Variants in DENND4C observed in about 807,000 individuals in gnomAD.
DENND4C encodes DENN domain containing 4C.
DENND4C carries 108 observed loss-of-function variants against 203.0 expected under a neutral mutation model. The observed-to-expected ratio is 0.53, with a 90% CI of 0.46 to 0.62. The LOEUF (loss-of-function observed/expected upper bound fraction) is 0.62. Among genes scored for constraint, DENND4C ranks in the 20% least tolerant of loss-of-function variants. The probability of loss-of-function intolerance (pLI) is 0.00; values close to 1 mark genes in which losing one functional copy is unlikely to be tolerated. For missense variants in DENND4C, 2,481 were observed against 2,301.2 expected (o/e 1.08, Z -1.60); for synonymous variants, 871 against 792.4 (o/e 1.10, Z -1.67).
At position 19,335,015 on chromosome 9, in the gene DENND4C, G is replaced by C. The variant is rs780309420; in HGVS notation, c.2499G>C (p.Trp833Cys). 3.1e-6 allele frequency: 5 copies of C among 1,611,444 alleles called. No homozygotes were observed. The highest frequency in any genetic ancestry group is 4.5e-5 in the East Asian group (2 of 44,750). Residue 833 changes from tryptophan (W) to cysteine (C), a missense_variant, in exon 18 of 33, where the codon TGG becomes TGC. Around this residue, in one of 3 missense-constraint regions of DENND4C, gnomAD observed 2,289 missense variants for 2,113.3 expected, o/e 1.08. Transcript: ENST00000434457. The part of the protein sequence containing the change: ...YRVVMQLCGL[W>C]GHPVLAVRVL... ...TAGTGATGCAGCTTTGTGGACTTTGGGGTCATCCTGTTTTAGCAGTGAGAG... is the reference window on the plus strand; with the variant it reads ...TAGTGATGCAGCTTTGTGGACTTTGCGGTCATCCTGTTTTAGCAGTGAGAG...
In DENND4C at chr9:19,316,524, T is replaced by C. The variant is rs746655709; in HGVS notation, c.1588+7T>C. 2.2e-5 allele frequency: 36 copies of C among 1,610,012 alleles called. No individual in the cohort carries two copies. The South Asian group carries it at 3.9e-4, about 17-fold the overall frequency. On this transcript the variant is annotated splice_region_variant and intron_variant, in intron 11 of 32. Coordinates refer to ENST00000434457, the MANE Select transcript of DENND4C (RefSeq NM_001330640.2). The stretch of plus-strand genomic sequence containing the variant: ...TATCCCCAGCTGTCTTCAGGTAATG[T>C]GAGGGAAAAGGAATATTATTAATGA...
chr9:19,246,705 GT>G (rs1370491095), intron 1 of DENND4C, among the ~76,000 whole-genome samples: 2 of 151,084 alleles, frequency 1.3e-5, no homozygotes, highest in Non-Finnish European at 3.0e-5. Context: ...TTGCTTCTGG[GT>G]TATCTTCGAT....
chr9:19,257,065 G>A (rs574305801), intron 1 of DENND4C, among the ~76,000 whole-genome samples: 26 of 146,702 alleles, frequency 1.8e-4, no homozygotes, highest in African/African-American at 5.6e-4. Context: ...GTGAGACTCC[G>A]TCTCAAAAAA....
Position 19,290,703 on chromosome 9 carries a change from G to A in DENND4C, c.629-1G>A. ...TTTATTGTTGTCTCATTCTTCAAAA[G>A]GTTTAATTTTTAGATATCCAGAAGA... On this transcript the variant is annotated splice_acceptor_variant, in intron 4 of 32. Transcript: ENST00000434457. LOFTEE classifies it high-confidence loss of function. 7.0e-7 allele frequency: 1 copy of A among 1,427,698 alleles called. No homozygotes were observed. Among genetic ancestry groups the A allele is most frequent in the South Asian group, 1.7e-5 (1 of 59,056 alleles). The allele number at this position is 1,427,698 out of a possible 1,614,324, so 88.4% of individuals were successfully genotyped here.
At chr9:19,289,507 A>G (rs1030342129) in intron 4 of DENND4C, among the ~76,000 whole-genome samples, 7 of 152,284 alleles carry the variant, frequency 4.6e-5, no homozygotes, top group African/African-American at 1.4e-4. Context: ...GCAACGACTA[A>G]CGTATAAAAT....
intron 1 of DENND4C, among the ~76,000 whole-genome samples, chr9:19,254,068 C>T (rs76977843): frequency 0.01 from 1,531 of 152,074 alleles, 23 homozygotes; most frequent in African/African-American, 0.033. Flanking sequence ...ATTTTTTCTT[C>T]AAAAGCTTTT....
intron 30 of DENND4C, among the ~76,000 whole-genome samples, chr9:19,364,280 A>C (rs187606990): frequency 3.9e-4 from 60 of 152,324 alleles, no homozygotes; most frequent in African/African-American, 1.3e-3. Context: ...AAAAAATTTA[A>C]AGATTGTTGA....
At chr9:19,356,605 CTTTA>C (rs937425130) in intron 26 of DENND4C, among the ~76,000 whole-genome samples, 22 of 151,384 alleles carry the variant, frequency 1.5e-4, no homozygotes, top group Non-Finnish European at 2.8e-4. Context: ...TACTGCAGCT[CTTTA>C]TTTTTTTTTT....
At chr9:19,252,214 A>C (rs1826788559) in intron 1 of DENND4C, among the ~76,000 whole-genome samples, 1 of 152,104 alleles carries the variant, frequency 6.6e-6, no homozygotes, top group Admixed American at 6.6e-5. Flanking sequence ...GCAAATAGAG[A>C]GCTGGTGCAG....
intron 7 of DENND4C, among the ~76,000 whole-genome samples, chr9:19,298,479 A>G (rs1379348238): frequency 6.6e-6 from 1 of 152,164 alleles, no homozygotes; most frequent in Non-Finnish European, 1.5e-5. Flanking sequence ...GGAGGAGGTT[A>G]ATTTAAACAA....
intron 26 of DENND4C, among the ~76,000 whole-genome samples, chr9:19,354,968 G>A (rs983334336): frequency 1.3e-5 from 2 of 148,854 alleles, no homozygotes; most frequent in African/African-American, 5.0e-5. Context: ...GGAGTACAGT[G>A]GCGCAATCTT....
intron 24 of DENND4C, among the ~76,000 whole-genome samples, chr9:19,351,563 T>G (rs1824121678): frequency 6.6e-6 from 1 of 152,100 alleles, no homozygotes; most frequent in African/African-American, 2.4e-5. Context: ...ATCCTAGCAC[T>G]TCGGGAGGCA....
At chr9:19,298,196 T>C in intron 7 of DENND4C, 74 bp downstream of exon 7, 1 of 1,377,852 alleles carries the variant, frequency 7.3e-7, no homozygotes. Flanking sequence ...GGATTCTGTA[T>C]ACCTTTGGGT....
chr9:19,344,948 G>A (rs1048792870), intron 22 of DENND4C, among the ~76,000 whole-genome samples: 1 of 152,132 alleles, frequency 6.6e-6, no homozygotes, highest in Non-Finnish European at 1.5e-5. Flanking sequence ...TTGTATCCTC[G>A]TACAGCAGAG....
At chr9:19,287,623 A>C (rs988093912) in intron 3 of DENND4C, among the ~76,000 whole-genome samples, 1 of 152,198 alleles carries the variant, frequency 6.6e-6, no homozygotes, top group Non-Finnish European at 1.5e-5. Context: ...TTGGAATTAC[A>C]GGCGTGAGCC....
chr9:19,272,755 T>G (rs1428920340), intron 1 of DENND4C, among the ~76,000 whole-genome samples: 1 of 151,910 alleles, frequency 6.6e-6, no homozygotes, highest in Non-Finnish European at 1.5e-5. Flanking sequence ...ATTAGACATG[T>G]TTTTTTATTT....
At chr9:19,245,874 T>G (rs1187313690) in intron 1 of DENND4C, among the ~76,000 whole-genome samples, 1 of 150,482 alleles carries the variant, frequency 6.6e-6, no homozygotes, top group African/African-American at 2.4e-5. Context: ...AAAAAAAAAT[T>G]GTAAGCATCT....
intron 10 of DENND4C, among the ~76,000 whole-genome samples, chr9:19,310,471 C>A (rs557844552): frequency 6.6e-6 from 1 of 152,336 alleles, no homozygotes; most frequent in African/African-American, 2.4e-5. Context: ...ATGCCTGCTT[C>A]CATGATGCAA....
chr9:19,233,231 A>AT (rs34468565), intron 1 of DENND4C, among the ~76,000 whole-genome samples: 11,781 of 152,262 alleles, frequency 0.077, 551 homozygotes, highest in South Asian at 0.16. Flanking sequence ...GCAAGGGCAG[A>AT]TAAGCTTTCA....
Sources: allele counts gnomAD v4.1 joint callset (sites outside exome capture counted in the v4.1 genomes callset), GRCh38; gene constraint gnomAD v4.1.1; regional missense constraint gnomAD v4.1.1; transcripts MANE v1.5; gene names NCBI Gene and HGNC (gene_info 2026-07-23, HGNC 2026-07-21).